Variants in UNKL observed in about 807,000 individuals in gnomAD.
UNKL encodes the protein putative E3 ubiquitin-protein ligase UNKL.
A neutral mutation model predicts 78.0 loss-of-function variants in UNKL; 60 were observed. The observed-to-expected ratio is 0.77, with a 90% CI of 0.63 to 0.95. The LOEUF (loss-of-function observed/expected upper bound fraction) is 0.95. UNKL is among the 40% of genes least tolerant of loss of function. The pLI is 0.00. For synonymous variants in UNKL, 608 were observed against 474.8 expected (o/e 1.28, Z -3.65); for missense variants, 1,159 against 1,045.7 (o/e 1.11, Z -1.49).
chr16:1,371,691 C>A, intron 10 of UNKL, 80 bp from the exon 11 acceptor site: 3 of 1,421,622 alleles, frequency 2.1e-6, no homozygotes, highest in Non-Finnish European at 2.9e-6. Flanking sequence ...GGACGACCGT[C>A]CCACCTGGGC....
intron 12 of UNKL, 144 bp from the exon 13 acceptor site, chr16:1,368,002 T>C: frequency 1.4e-6 from 1 of 694,612 alleles, no homozygotes; most frequent in Non-Finnish European, 2.4e-6. Flanking sequence ...CAGCCACGCC[T>C]GCCCCTTGCC....
chr16:1,377,000 T>G (rs547566456), intron 10 of UNKL, among the ~76,000 whole-genome samples: 1 of 151,704 alleles, frequency 6.6e-6, no homozygotes, highest in African/African-American at 2.4e-5. Context: ...ACGCCTGGGG[T>G]TCAGGTGCAT....
chr16:1,395,134 A>G (rs2037205744), intron 6 of UNKL, among the ~76,000 whole-genome samples: 1 of 146,608 alleles, frequency 6.8e-6, no homozygotes, highest in African/African-American at 2.6e-5. Flanking sequence ...TGCCGGGATT[A>G]CAGGCGTGAA....
At chr16:1,405,030 C>A (rs925477156) in intron 2 of UNKL, among the ~76,000 whole-genome samples, 1 of 152,038 alleles carries the variant, frequency 6.6e-6, no homozygotes, top group Non-Finnish European at 1.5e-5. Context: ...CCCATCTCTA[C>A]AACAAATTTA....
intron 8 of UNKL, among the ~76,000 whole-genome samples, chr16:1,391,231 CTTAAAGATA>C (rs2037035409): frequency 7.4e-6 from 1 of 135,446 alleles, no homozygotes; most frequent in Non-Finnish European, 1.5e-5. Context: ...CTCTTGGTCC[CTTAAAGATA>C]CACACACACA....
At chr16:1,379,742 G>GCC in intron 10 of UNKL, 1 of 907,044 alleles carries the variant, frequency 1.1e-6, no homozygotes, top group Non-Finnish European at 1.3e-6. Context: ...ACTCGGCCCC[G>GCC]CCCCCGTCGC....
intron 9 of UNKL, among the ~76,000 whole-genome samples, chr16:1,388,924 AC>A (rs1237107410): frequency 6.6e-6 from 1 of 152,208 alleles, no homozygotes; most frequent in African/African-American, 2.4e-5. Flanking sequence ...AAAATTTGCT[AC>A]AGTGGCCATG....
chr16:1,377,454 C>A lies in UNKL; in HGVS notation c.1265-5843G>T, dbSNP rs143382602. On this transcript the variant is annotated intron_variant, in intron 10 of 14. Transcript: ENST00000389221. ...CAACAGATCTGGCCCCTGCTGTGCA[C>A]AGCCCTCCCTCCCTGAGTCCTCCCT... Among the ~76,000 whole-genome samples the A allele has an allele frequency of 2.3e-3, 347 of 152,234 alleles. 1 individual carries two copies. The highest frequency in any genetic ancestry group is 0.013 in the East Asian group (69 of 5,180).
At chr16:1,369,301 G>A (rs1314960164) in intron 12 of UNKL, among the ~76,000 whole-genome samples, 4 of 150,498 alleles carry the variant, frequency 2.7e-5, no homozygotes, top group African/African-American at 4.9e-5. Context: ...ATATCCTGAC[G>A]TCGTGATCCG....
chr16:1,410,370 G>A (rs141389927), intron 2 of UNKL, among the ~76,000 whole-genome samples: 303 of 152,312 alleles, frequency 2.0e-3, no homozygotes, highest in Non-Finnish European at 3.5e-3. Flanking sequence ...CACTTTGGGA[G>A]GCCGAGGCGG....
intron 11 of UNKL, among the ~76,000 whole-genome samples, chr16:1,370,618 G>A (rs2035727507): frequency 6.6e-6 from 1 of 152,142 alleles, no homozygotes; most frequent in South Asian, 2.1e-4. Flanking sequence ...GGTTTAACAT[G>A]GGCCCCCCCC....
chr16:1,367,284 G>T lies in UNKL; in HGVS notation c.1854C>A (p.Asp618Glu). The change falls in exon 14 of 15, where the codon GAC (aspartate) becomes GAA (glutamate). Residue 618 changes from aspartate (D) to glutamate (E), a missense_variant. Asp to Glu is a conservative substitution (Grantham distance 45, BLOSUM62 2). Transcript: ENST00000389221. ...CCTTCTTCTGCAGCGCCAGCTGCCGGTCGCTATCGGCCACACGGGCACGCT... is the reference window on the plus strand; with the variant it reads ...CCTTCTTCTGCAGCGCCAGCTGCCGTTCGCTATCGGCCACACGGGCACGCT... ...AKERARVADSDRQLALQKKEE... is the reference protein window; with the variant it reads ...AKERARVADSERQLALQKKEE... The T allele has an allele frequency of 6.4e-7, 1 of 1,565,434 alleles. No homozygotes were observed. Among genetic ancestry groups the T allele is most frequent in the Non-Finnish European group, 8.6e-7 (1 of 1,160,008 alleles).
chr16:1,391,096 G>A (rs1395150939), intron 8 of UNKL, among the ~76,000 whole-genome samples: 1 of 151,844 alleles, frequency 6.6e-6, no homozygotes, highest in Non-Finnish European at 1.5e-5. Context: ...GCTGCAGTGA[G>A]CCAAGGTCAT....
intron 8 of UNKL, 83 bp from the exon 9 acceptor site, chr16:1,390,777 G>T: frequency 6.8e-7 from 1 of 1,461,112 alleles, no homozygotes; most frequent in Non-Finnish European, 9.2e-7. Flanking sequence ...TGGGCACAGT[G>T]GCAGCACTTT....
Position 1,365,985 on chromosome 16 carries a change from T to C in UNKL, c.*255A>G, listed in dbSNP as rs1279638059. 2 of 374,824 alleles carry C rather than the reference T, an allele frequency of 5.3e-6. No homozygotes were observed. The highest frequency in any genetic ancestry group is 4.1e-5 in the African/African-American group (2 of 48,686). The allele number at this position is 374,824 out of a possible 1,614,324, so 23.2% of individuals were successfully genotyped here. On this transcript the variant is annotated 3_prime_UTR_variant, in exon 15 of 15. Coordinates refer to ENST00000389221, the MANE Select transcript of UNKL (RefSeq NM_001372107.1). ...CTCAGGGACAGGCAGGCGGGTTCTG[T>C]GGGTTTGCATTTAAGGTTTTTGAGG...
At chr16:1,378,277 G>A (rs761821068) in intron 10 of UNKL, among the ~76,000 whole-genome samples, 3 of 152,206 alleles carry the variant, frequency 2.0e-5, no homozygotes, top group Non-Finnish European at 2.9e-5. Flanking sequence ...CTCCCATACG[G>A]GGGCTTGATG....
Position 1,397,052 on chromosome 16 carries a change from C to T in UNKL, c.852+126G>A, listed in dbSNP as rs554952280. The stretch of plus-strand genomic sequence containing the variant: ...CTCATGCCTCCACCCCCAGGCTTCC[C>T]GACCTGTGCCAGCCCTCGGCCAAAG... On this transcript the variant is annotated intron_variant, in intron 6 of 14. Coordinates refer to ENST00000389221, the MANE Select transcript of UNKL (RefSeq NM_001372107.1). 47 of 1,053,520 alleles carry T rather than the reference C, an allele frequency of 4.5e-5. No individual in the cohort carries two copies. The South Asian group carries it at 5.7e-4, about 13-fold the overall frequency. 65.3% of individuals were successfully genotyped at this position (1,053,520 alleles called of 1,614,324 possible). A position where few individuals can be genotyped will look rare whatever the true frequency, so the allele number is the denominator to read the frequency against.
At position 1,403,396 on chromosome 16, in the gene UNKL, C is replaced by T. The variant is rs1288129135; in HGVS notation, c.288-52G>A. On this transcript the variant is annotated intron_variant, in intron 2 of 14. Transcript: ENST00000389221. This position sits in a 1 kb window ranked among gnomAD's most constrained non-coding sequence, Gnocchi z 4.8. ...CTGGTTATCATGGACCCAGAGGCAG[C>T]CCTAAGCTCCCTGGGTCCACGCCCT... is the stretch of plus-strand genomic sequence containing the variant. 3.9e-6 allele frequency: 6 copies of T among 1,551,982 alleles called. No individual in the cohort carries two copies. The highest frequency in any genetic ancestry group is 4.6e-5 in the East Asian group (2 of 43,076).
At position 1,413,762 on chromosome 16, in the gene UNKL, C is replaced by T. The variant is rs962351861; in HGVS notation, c.287+84G>A. ...CAGGGGCCAGGTATGGACACTAAGG[C>T]GTCCGCTGAGGGTCCCGGCCGCATC... On this transcript the variant is annotated intron_variant, in intron 2 of 14. Coordinates refer to ENST00000389221, the MANE Select transcript of UNKL (RefSeq NM_001372107.1). The T allele has an allele frequency of 2.9e-5, 40 of 1,393,874 alleles. No homozygotes were observed. In the African/African-American group the frequency reaches 4.2e-4, roughly 15 times the overall value. 86.3% of individuals were successfully genotyped at this position (1,393,874 alleles called of 1,614,324 possible).
Sources: allele counts gnomAD v4.1 joint callset (sites outside exome capture counted in the v4.1 genomes callset), GRCh38; gene constraint gnomAD v4.1.1; non-coding constraint Gnocchi (gnomAD v3.1); transcripts MANE v1.5; gene names NCBI Gene and HGNC (gene_info 2026-07-23, HGNC 2026-07-21).